The following PGAP1 variants were observed in gnomAD, a reference collection of about 807,000 sequenced individuals.
The protein encoded by PGAP1 is GPI inositol-deacylase.
PGAP1 carries 76 observed loss-of-function variants against 127.0 expected under a neutral mutation model. The observed-to-expected ratio is 0.60, with a 90% confidence interval of 0.50 to 0.72. PGAP1 has a LOEUF of 0.72. Ranked by LOEUF, PGAP1 falls within the 30% of genes least tolerant of loss-of-function variation. PGAP1 has a pLI of 0.00. For missense variants in PGAP1, 982 were observed against 1,071.3 expected (o/e 0.92, Z 1.16); for synonymous variants, 362 against 366.5 (o/e 0.99, Z 0.14).
chr2:196,898,238 A>C, intron 6 of PGAP1, 79 bp downstream of exon 6: 2 of 1,029,588 alleles, frequency 1.9e-6, no homozygotes, highest in Non-Finnish European at 2.9e-6. Context: ...AAAAGTTAAC[A>C]AGCCAATTAA....
At chr2:196,845,237 T>C (rs1282295911) in intron 23 of PGAP1, among the ~76,000 whole-genome samples, 1 of 151,874 alleles carries the variant, frequency 6.6e-6, no homozygotes, top group Non-Finnish European at 1.5e-5. Context: ...ATGATATGCA[T>C]GTATTTACAC....
chr2:196,893,374 T>A (rs774229879), intron 7 of PGAP1, 129 bp from the exon 8 acceptor site: 18 of 409,648 alleles, frequency 4.4e-5, no homozygotes, highest in Non-Finnish European at 7.4e-5. Context: ...CTGAGCACTG[T>A]ACATAAACTC....
chr2:196,905,024 A>G (rs965308368), intron 4 of PGAP1, among the ~76,000 whole-genome samples: 3 of 152,212 alleles, frequency 2.0e-5, no homozygotes, highest in Admixed American at 2.0e-4. Context: ...GTAAAATAAA[A>G]AGAATAAATA....
At chr2:196,841,454 G>A in intron 26 of PGAP1, 82 bp from the exon 27 acceptor site, 1 of 1,021,942 alleles carries the variant, frequency 9.8e-7, no homozygotes. Context: ...ATACAGTTTT[G>A]GAAAGATAAA....
intron 5 of PGAP1, among the ~76,000 whole-genome samples, chr2:196,901,777 G>C (rs565916391): frequency 1.3e-5 from 2 of 152,250 alleles, no homozygotes; most frequent in South Asian, 4.1e-4. Flanking sequence ...TAATCATGTT[G>C]TTATAAAATT....
intron 20 of PGAP1, among the ~76,000 whole-genome samples, chr2:196,854,754 G>A (rs879931486): frequency 1.3e-5 from 2 of 151,992 alleles, no homozygotes; most frequent in Non-Finnish European, 2.9e-5. Context: ...AGTTTTTCAT[G>A]AAAAAACCTT....
At position 196,843,529 on chromosome 2, in the gene PGAP1, A is replaced by G. The variant is rs76821492; in HGVS notation, c.2525+359T>C. On this transcript the variant is annotated intron_variant, in intron 25 of 26. Coordinates refer to ENST00000354764, the MANE Select transcript of PGAP1 (RefSeq NM_024989.4). The stretch of plus-strand genomic sequence containing the variant: ...GAAGTGGCCTTTTATTTAGCAATTG[A>G]CCAATTAATAAAAATACAGTTCACC... Among the ~76,000 whole-genome samples the G allele has an allele frequency of 2.6e-5, 4 of 152,174 alleles. No homozygotes were observed. The East Asian group carries it at 5.8e-4, about 22-fold the overall frequency.
chr2:196,833,992 T>C lies in PGAP1; in HGVS notation c.*7242A>G, dbSNP rs1026723651. 6.6e-6 allele frequency: 1 copy of C among 151,978 alleles called. No individual in the cohort carries two copies. Among genetic ancestry groups the C allele is most frequent in the African/African-American group, 2.4e-5 (1 of 41,434 alleles). The allele number at this position is 151,978 out of a possible 1,614,324, so 9.4% of individuals were successfully genotyped here. On this transcript the variant is annotated 3_prime_UTR_variant, in exon 27 of 27. Transcript: ENST00000354764. ...TTTAAAATATACTACATGAATGAGTTTATTAATTATTAAAAATAATTATTG... is the reference window on the plus strand; with the variant it reads ...TTTAAAATATACTACATGAATGAGTCTATTAATTATTAAAAATAATTATTG...
chr2:196,844,004 A>G lies in PGAP1; in HGVS notation c.2409T>C (p.Arg803=). The G allele has an allele frequency of 6.2e-7, 1 of 1,608,578 alleles. No individual in the cohort carries two copies. Among genetic ancestry groups the G allele is most frequent in the Non-Finnish European group, 8.5e-7 (1 of 1,176,176 alleles). Residue 803 remains arginine, a synonymous_variant, in exon 25 of 27, where the codon CGT becomes CGC. Transcript: ENST00000354764. ...HHKDSSIHHL[R]LSANDAEDSL... ...TATCTTCAGCATCGTTGGCAGATAAACGAAGATGGTGTATTGAGGAGTCTT... is the reference window on the plus strand; with the variant it reads ...TATCTTCAGCATCGTTGGCAGATAAGCGAAGATGGTGTATTGAGGAGTCTT...
chr2:196,877,273 TACTG>T (rs2125804185), intron 13 of PGAP1, among the ~76,000 whole-genome samples: 1 of 152,226 alleles, frequency 6.6e-6, no homozygotes, highest in South Asian at 2.1e-4. Context: ...TCTAAAAATA[TACTG>T]ACAGAAGTTG....
At chr2:196,864,876 C>G in intron 20 of PGAP1, 111 bp downstream of exon 20, 1 of 479,638 alleles carries the variant, frequency 2.1e-6, no homozygotes, top group Non-Finnish European at 3.5e-6. Context: ...TTAATTATGT[C>G]TCCTGATTCA....
rs1418906427 is a variant in PGAP1 at position 196,837,263 on chromosome 2, C to T, written c.*3971G>A. The T allele has an allele frequency of 3.9e-5, 6 of 152,162 alleles. No individual in the cohort carries two copies. The East Asian group carries it at 9.6e-4, about 24-fold the overall frequency. The allele number at this position is 152,162 out of a possible 1,614,324, so 9.4% of individuals were successfully genotyped here. A position where few individuals can be genotyped will look rare whatever the true frequency, so the allele number is the denominator to read the frequency against. ...TTTACCACCTTTTATTTCCCTTGGCCACAAAGGGTGCTAATAAACAGCAAG... is the reference window on the plus strand; with the variant it reads ...TTTACCACCTTTTATTTCCCTTGGCTACAAAGGGTGCTAATAAACAGCAAG... On this transcript the variant is annotated 3_prime_UTR_variant, in exon 27 of 27. Coordinates refer to ENST00000354764, the MANE Select transcript of PGAP1 (RefSeq NM_024989.4).
intron 12 of PGAP1, among the ~76,000 whole-genome samples, chr2:196,881,629 G>A (rs537705087): frequency 1.3e-5 from 2 of 151,572 alleles, no homozygotes. Flanking sequence ...GTGATGTTGA[G>A]CTATTTTTCC....
chr2:196,889,251 A>C (rs1216642174), intron 10 of PGAP1, among the ~76,000 whole-genome samples: 2 of 152,206 alleles, frequency 1.3e-5, no homozygotes, highest in African/African-American at 4.8e-5. Flanking sequence ...AGAATCTGCC[A>C]GGGTAAACTG....
intron 14 of PGAP1, 95 bp downstream of exon 14, chr2:196,875,651 A>T: frequency 1.4e-6 from 1 of 698,204 alleles, no homozygotes; most frequent in Admixed American, 2.7e-5. Flanking sequence ...ACTATACTTG[A>T]AATATTCAAC....
chr2:196,874,659 T>C (rs959995245), intron 14 of PGAP1, among the ~76,000 whole-genome samples: 3 of 152,188 alleles, frequency 2.0e-5, no homozygotes, highest in Non-Finnish European at 4.4e-5. Flanking sequence ...TATGATATAG[T>C]AGGAAATCCT....
chr2:196,845,606 T>C (rs1244160410), intron 23 of PGAP1, among the ~76,000 whole-genome samples: 2 of 151,780 alleles, frequency 1.3e-5, no homozygotes, highest in African/African-American at 4.8e-5. Flanking sequence ...AAAAAAAATT[T>C]AACACTTGTA....
Position 196,834,093 on chromosome 2 carries a change from T to C in PGAP1, c.*7141A>G, listed in dbSNP as rs1700171328. The C allele has an allele frequency of 6.6e-6, 1 of 152,046 alleles. No homozygotes were observed. The allele number at this position is 152,046 out of a possible 1,614,324, so 9.4% of individuals were successfully genotyped here. A position where few individuals can be genotyped will look rare whatever the true frequency, so the allele number is the denominator to read the frequency against. ...ATGAGCACAAGTCAAAGAATTCATG[T>C]CTTTGACAGATTACTCATTAATAAG... On this transcript the variant is annotated 3_prime_UTR_variant, in exon 27 of 27. Transcript: ENST00000354764.
At chr2:196,881,235 G>A (rs1357770556) in intron 12 of PGAP1, among the ~76,000 whole-genome samples, 1 of 152,162 alleles carries the variant, frequency 6.6e-6, no homozygotes, top group Non-Finnish European at 1.5e-5. Context: ...ATTCCATGGT[G>A]TATATGTAAT....
Sources: allele counts gnomAD v4.1 joint callset (sites outside exome capture counted in the v4.1 genomes callset), GRCh38; gene constraint gnomAD v4.1.1; transcripts MANE v1.5; gene names NCBI Gene and HGNC (gene_info 2026-07-23, HGNC 2026-07-21).